The following SLC16A7 variants were observed in gnomAD, a reference collection of about 807,000 sequenced individuals.
SLC16A7 encodes the protein solute carrier family 16 member 7.
SLC16A7 carries 33 observed loss-of-function variants against 34.9 expected under a neutral mutation model. The observed-to-expected ratio is 0.94, with a 90% CI of 0.72 to 1.26. The LOEUF is 1.26. SLC16A7 is among the 50% of genes most tolerant of loss of function. The pLI is 0.00. For missense variants in SLC16A7, 573 were observed against 578.1 expected (o/e 0.99, Z 0.09); for synonymous variants, 201 against 206.6 (o/e 0.97, Z 0.23).
rs74319915 is a variant in SLC16A7, at chr12:59,675,021, G to A, written c.-31+19771G>A. On this transcript the variant is annotated intron_variant, in intron 2 of 5. Coordinates refer to ENST00000547379, the MANE Select transcript of SLC16A7 (RefSeq NM_001270623.2). Reference sequence around the variant, plus strand: ...GGTCATCTTACCCATAACTAAGCGAGTCTGGGTCAACAAGGGCAATGATAG... The same window carrying A: ...GGTCATCTTACCCATAACTAAGCGAATCTGGGTCAACAAGGGCAATGATAG... Among the ~76,000 whole-genome samples the A allele has an allele frequency of 3.6e-3, 555 of 152,290 alleles. 2 individuals are homozygous for A. The highest frequency in any genetic ancestry group is 0.013 in the African/African-American group (535 of 41,560).
intron 1 of SLC16A7, among the ~76,000 whole-genome samples, chr12:59,641,559 T>C (rs1880687357): frequency 1.1e-5 from 1 of 90,332 alleles, no homozygotes; most frequent in Non-Finnish European, 2.2e-5. Flanking sequence ...CTAGGGCTAT[T>C]TTTTTTTAGC....
In SLC16A7 at chr12:59,727,813, A is replaced by C. The variant is rs1876467958; in HGVS notation, c.217+22795A>C. 2.0e-5 allele frequency among the ~76,000 whole-genome samples: 3 copies of C among 151,360 alleles called. No individual in the cohort carries two copies. The South Asian group carries it at 6.3e-4, about 32-fold the overall frequency. ...TTACATTTTAATTGTGTTGGGGGGG[A>C]GGTAGTGTCATATTGGTTAATGACA... On this transcript the variant is annotated intron_variant, in intron 3 of 5. Coordinates refer to ENST00000547379, the MANE Select transcript of SLC16A7 (RefSeq NM_001270623.2).
At chr12:59,670,296 G>A (rs61933760) in intron 2 of SLC16A7, among the ~76,000 whole-genome samples, 29,633 of 151,910 alleles carry the variant, frequency 0.2, 3,001 homozygotes, top group Non-Finnish European at 0.21. Flanking sequence ...TTAACTAACT[G>A]CATCTGCGTT....
intron 3 of SLC16A7, among the ~76,000 whole-genome samples, chr12:59,716,295 T>G (rs988038606): frequency 6.6e-6 from 1 of 152,034 alleles, no homozygotes; most frequent in African/African-American, 2.4e-5. Context: ...CCCCAGGAAA[T>G]GAGTGTGCAT....
chr12:59,773,646 T>C (rs1409302815), intron 4 of SLC16A7, among the ~76,000 whole-genome samples: 1 of 151,684 alleles, frequency 6.6e-6, no homozygotes, highest in Non-Finnish European at 1.5e-5. Context: ...CTCACTGCAA[T>C]CTCCGCCTCC....
intron 2 of SLC16A7, among the ~76,000 whole-genome samples, chr12:59,662,240 C>CATCATA (rs1443272743): frequency 6.6e-6 from 1 of 152,048 alleles, no homozygotes; most frequent in East Asian, 1.9e-4. Flanking sequence ...ATGCGAAAAA[C>CATCATA]ATCATAATCT....
chr12:59,674,476 G>A (rs546632658), intron 2 of SLC16A7, among the ~76,000 whole-genome samples: 108 of 152,288 alleles, frequency 7.1e-4, no homozygotes, highest in African/African-American at 2.4e-3. Context: ...CTAGGTTCAA[G>A]GAGCTTAGAT....
chr12:59,649,736 G>C (rs975554824), intron 1 of SLC16A7, among the ~76,000 whole-genome samples: 2 of 152,128 alleles, frequency 1.3e-5, no homozygotes, highest in African/African-American at 4.8e-5. Context: ...ATCACCTGAG[G>C]TGAGGAGTTC....
intron 2 of SLC16A7, among the ~76,000 whole-genome samples, chr12:59,676,164 A>G (rs1010261558): frequency 6.6e-6 from 1 of 152,116 alleles, no homozygotes; most frequent in African/African-American, 2.4e-5. Context: ...GAGTCATTGT[A>G]CAGATTGATG....
chr12:59,691,439 G>A (rs1386204255), intron 2 of SLC16A7, among the ~76,000 whole-genome samples: 1 of 151,978 alleles, frequency 6.6e-6, no homozygotes, highest in Non-Finnish European at 1.5e-5. Context: ...ACAAACTCCA[G>A]AACATGAAGA....
At chr12:59,652,828 A>G (rs1256623639) in intron 1 of SLC16A7, among the ~76,000 whole-genome samples, 4 of 151,846 alleles carry the variant, frequency 2.6e-5, no homozygotes, top group Admixed American at 2.0e-4. Flanking sequence ...GCCTTTTAAT[A>G]TAAATAAAAG....
chr12:59,702,984 G>A (rs1348243422), intron 2 of SLC16A7, among the ~76,000 whole-genome samples: 1 of 151,838 alleles, frequency 6.6e-6, no homozygotes, highest in Non-Finnish European at 1.5e-5. Context: ...TACCTTAAAA[G>A]GCTTTTATTG....
intron 2 of SLC16A7, among the ~76,000 whole-genome samples, chr12:59,702,756 G>A (rs1053133542): frequency 2.0e-5 from 3 of 151,942 alleles, no homozygotes; most frequent in Non-Finnish European, 2.9e-5. Context: ...AGAATACTAT[G>A]GATATGCAGA....
chr12:59,639,193 A>T (rs534539770), intron 1 of SLC16A7, among the ~76,000 whole-genome samples: 2 of 152,210 alleles, frequency 1.3e-5, no homozygotes, highest in South Asian at 2.1e-4. Flanking sequence ...GAGACAAAAC[A>T]GCGCATTGTT....
At chr12:59,653,194 G>A (rs1868377176) in intron 1 of SLC16A7, among the ~76,000 whole-genome samples, 1 of 151,704 alleles carries the variant, frequency 6.6e-6, no homozygotes, top group Non-Finnish European at 1.5e-5. Context: ...ATATTCTAAT[G>A]TTGTAGAGAA....
chr12:59,729,638 GGTGATTTT>G (rs1876700954), intron 3 of SLC16A7, among the ~76,000 whole-genome samples: 1 of 152,068 alleles, frequency 6.6e-6, no homozygotes, highest in Non-Finnish European at 1.5e-5. Flanking sequence ...TGCATAGATA[GGTGATTTT>G]GTGGTTCTTA....
chr12:59,600,997 G>T (rs1267042007), intron 1 of SLC16A7, among the ~76,000 whole-genome samples: 1 of 152,144 alleles, frequency 6.6e-6, no homozygotes, highest in African/African-American at 2.4e-5. Context: ...AAAAATGTCT[G>T]TATGGTTCAA....
chr12:59,645,429 T>C (rs1175656218), intron 1 of SLC16A7, among the ~76,000 whole-genome samples: 1 of 152,008 alleles, frequency 6.6e-6, no homozygotes, highest in East Asian at 1.9e-4. Context: ...TCTCACAAGA[T>C]TTGATGGTTT....
At chr12:59,678,494 G>T (rs757635823) in intron 2 of SLC16A7, among the ~76,000 whole-genome samples, 10 of 152,148 alleles carry the variant, frequency 6.6e-5, no homozygotes, top group African/African-American at 9.7e-5. Flanking sequence ...TGGTAGTTCC[G>T]ATGTCTGCTC....
Sources: gnomAD v4.1 joint callset for allele counts (sites outside exome capture counted in the v4.1 genomes callset) on GRCh38, gnomAD v4.1.1 for gene constraint, MANE v1.5 for transcripts, NCBI Gene and HGNC (gene_info 2026-07-23, HGNC 2026-07-21) for gene names.